The following SHANK2 variants were observed in gnomAD, a reference collection of about 807,000 sequenced individuals.
The protein encoded by SHANK2 is SH3 and multiple ankyrin repeat domains protein 2.
Under a neutral mutation model 133.7 loss-of-function variants are expected in SHANK2, and 43 were observed. The observed-to-expected ratio is 0.32, with a 90% confidence interval of 0.25 to 0.41. SHANK2 has a LOEUF of 0.41. Among genes scored for constraint, SHANK2 ranks in the 10% least tolerant of loss-of-function variants. The pLI is 1.00. For missense variants in SHANK2, 1,994 were observed against 2,235.8 expected, an observed-to-expected ratio of 0.89 and a Z score of 2.18; for synonymous variants, 1,017 against 952.8, an observed-to-expected ratio of 1.07 and a Z score of -1.24.
rs550675238 is a variant in SHANK2, at chr11:70,645,416, A to AACG, written c.2061+14411_2061+14412insCGT. 6.8e-4 allele frequency among the ~76,000 whole-genome samples: 104 copies of AACG among 152,138 alleles called. 1 individual carries two copies. Among genetic ancestry groups the AACG allele is most frequent in the Admixed American group, 6.0e-3 (91 of 15,276 alleles). ...CCTGTTCTCCAGGAACAACAACAAC[A>AACG]ACAAAAACAAAAAACAAAAAACTGA... On this transcript the variant is annotated intron_variant, in intron 17 of 25. Transcript: ENST00000601538.
chr11:70,918,236 G>A (rs1037918553), intron 10 of SHANK2, among the ~76,000 whole-genome samples: 8 of 152,186 alleles, frequency 5.3e-5, no homozygotes, highest in South Asian at 2.1e-4. Context: ...CGGGGCGGGG[G>A]CCTAGGGAAG....
intron 17 of SHANK2, among the ~76,000 whole-genome samples, chr11:70,523,742 C>T (rs567126969): frequency 9.9e-5 from 15 of 152,278 alleles, no homozygotes; most frequent in African/African-American, 3.4e-4. Flanking sequence ...AGGGGCTGTA[C>T]GGGATTCTCA....
At chr11:70,774,173 A>G (rs1947312962) in intron 14 of SHANK2, among the ~76,000 whole-genome samples, 1 of 152,218 alleles carries the variant, frequency 6.6e-6, no homozygotes, top group African/African-American at 2.4e-5. Flanking sequence ...GAGAATCTCA[A>G]AAACACTGTC....
At chr11:70,740,700 T>C (rs1166270884) in intron 14 of SHANK2, among the ~76,000 whole-genome samples, 4 of 152,280 alleles carry the variant, frequency 2.6e-5, no homozygotes, top group Non-Finnish European at 5.9e-5. Flanking sequence ...GCAGTTTAAC[T>C]GGGAGTGCAG....
rs538834133 is a variant in SHANK2 at position 70,485,407 on chromosome 11, G to C, written c.4886C>G (p.Ser1629Cys). Reference protein sequence around the residue: ...PKANVISELNSILQQMNREKL... With the variant: ...PKANVISELNCILQQMNREKL... ...CTCTCGGTTCATTTGCTGTAGGATA[G>C]AGTTCAATTCACTAATAACGTTTGC... The change falls in exon 25 of 26, where the codon TCT becomes TGT. Residue 1629 changes from serine (S) to cysteine (C), a missense_variant. Physicochemically the swap from Ser to Cys is moderately radical, Grantham distance 112. Transcript: ENST00000601538. The surrounding 1 kb of genome is among the most constrained non-coding windows in gnomAD (Gnocchi z 5.8). The C allele has an allele frequency of 1.2e-6, 2 of 1,614,074 alleles. No individual in the cohort carries two copies. The highest frequency in any genetic ancestry group is 1.3e-5 in the African/African-American group (1 of 75,062).
intron 2 of SHANK2, among the ~76,000 whole-genome samples, chr11:71,212,957 C>T (rs555647083): frequency 5.1e-4 from 69 of 134,156 alleles, no homozygotes; most frequent in Middle Eastern, 3.8e-3. Flanking sequence ...GGACCCCAGG[C>T]GGAGGCACAG....
chr11:71,180,616 C>T (rs2135543893), intron 2 of SHANK2, among the ~76,000 whole-genome samples: 1 of 152,260 alleles, frequency 6.6e-6, no homozygotes, highest in Non-Finnish European at 1.5e-5. Flanking sequence ...TTCTAGAAAA[C>T]ATCTACAGAT....
intron 15 of SHANK2, among the ~76,000 whole-genome samples, chr11:70,685,004 G>A (rs1205672971): frequency 1.3e-5 from 2 of 152,126 alleles, no homozygotes; most frequent in African/African-American, 4.8e-5. Context: ...TGAGGCAAAG[G>A]ACCCTGGGCA....
At chr11:71,068,231 G>A (rs1237078689) in intron 9 of SHANK2, among the ~76,000 whole-genome samples, 1 of 152,178 alleles carries the variant, frequency 6.6e-6, no homozygotes, top group Non-Finnish European at 1.5e-5. Flanking sequence ...TACACAAGTA[G>A]TCTCAATGGC....
At position 70,471,876 on chromosome 11, in the gene SHANK2, T is replaced by A. The variant is rs1222043807; in HGVS notation, c.*993A>T. The A allele has an allele frequency of 6.5e-6, 1 of 153,696 alleles. No homozygotes were observed. Among genetic ancestry groups the A allele is most frequent in the African/African-American group, 2.4e-5 (1 of 41,532 alleles). The allele number at this position is 153,696 out of a possible 1,614,324, so 9.5% of individuals were successfully genotyped here. On this transcript the variant is annotated 3_prime_UTR_variant, in exon 26 of 26. Transcript: ENST00000601538. This position sits in a 1 kb window ranked among gnomAD's most constrained non-coding sequence, Gnocchi z 4.1. ...GCCCGCCATGAGCCATGCGTCTTCT[T>A]GTCCTTCATGTCAAAGTGGATGCTC... is the stretch of plus-strand genomic sequence containing the variant.
intron 14 of SHANK2, among the ~76,000 whole-genome samples, chr11:70,731,403 T>TCC (rs1310751646): frequency 2.6e-5 from 4 of 152,192 alleles, no homozygotes; most frequent in Admixed American, 6.5e-5. Context: ...ACTGACATAC[T>TCC]CCCCGCTCCT....
chr11:70,489,492 T>TA, intron 23 of SHANK2, 144 bp from the exon 24 acceptor site: 1 of 802,656 alleles, frequency 1.2e-6, no homozygotes, highest in South Asian at 1.4e-5. Context: ...TGCCTACAGT[T>TA]ATCCACCTGA....
chr11:70,874,172 C>T (rs1949517177), intron 11 of SHANK2, among the ~76,000 whole-genome samples: 1 of 152,046 alleles, frequency 6.6e-6, no homozygotes, highest in South Asian at 2.1e-4. Context: ...ATCTATCTAC[C>T]TACCTACCTA....
At chr11:70,743,405 A>G (rs12803650) in intron 14 of SHANK2, among the ~76,000 whole-genome samples, 51,711 of 152,056 alleles carry the variant, frequency 0.34, 9,168 homozygotes, top group Non-Finnish European at 0.37. Context: ...TCGCCCCCCA[A>G]TGCGAGCACA....
chr11:70,515,254 G>A (rs2059249653), intron 17 of SHANK2, among the ~76,000 whole-genome samples: 1 of 152,146 alleles, frequency 6.6e-6, no homozygotes, highest in African/African-American at 2.4e-5. Flanking sequence ...GCCCAGGCTG[G>A]TCTTGAACTC....
intron 14 of SHANK2, among the ~76,000 whole-genome samples, chr11:70,731,161 T>TA (rs2134727666): frequency 6.6e-6 from 1 of 152,280 alleles, no homozygotes; most frequent in East Asian, 1.9e-4. Context: ...AGAGTCCTTA[T>TA]AAGAAGAGAA....
intron 11 of SHANK2, 121 bp downstream of exon 11, chr11:70,896,380 G>C: frequency 1.6e-6 from 1 of 606,560 alleles, no homozygotes; most frequent in Non-Finnish European, 3.0e-6. Flanking sequence ...ACTATGTTAA[G>C]TTTTGCTAAA....
At chr11:71,104,590 G>A (rs543834877) in intron 6 of SHANK2, among the ~76,000 whole-genome samples, 1 of 152,318 alleles carries the variant, frequency 6.6e-6, no homozygotes, top group East Asian at 1.9e-4. Flanking sequence ...GTGTGCCTGA[G>A]GGTTGCTATA....
chr11:70,717,224 A>G (rs1555027535), intron 14 of SHANK2, among the ~76,000 whole-genome samples: 1 of 152,212 alleles, frequency 6.6e-6, no homozygotes, highest in African/African-American at 2.4e-5. Context: ...AGAACACGCC[A>G]GAAAATGAAC....
Sources: allele counts gnomAD v4.1 joint callset (sites outside exome capture counted in the v4.1 genomes callset), GRCh38; gene constraint gnomAD v4.1.1; non-coding constraint Gnocchi (gnomAD v3.1); transcripts MANE v1.5; gene names NCBI Gene and HGNC (gene_info 2026-07-23, HGNC 2026-07-21).